The following ADAMTS3 variants were observed in gnomAD, a reference collection of about 807,000 sequenced individuals.
The protein encoded by ADAMTS3 is A disintegrin and metalloproteinase with thrombospondin motifs 3.
A neutral mutation model predicts 129.0 loss-of-function variants in ADAMTS3; 73 were observed. That is an observed-to-expected ratio of 0.57 (90% CI 0.47 to 0.69). The LOEUF is 0.69. ADAMTS3 is among the 30% of genes least tolerant of loss of function. The pLI, the probability that ADAMTS3 is intolerant of heterozygous loss-of-function variation, is 0.00. For synonymous variants in ADAMTS3, 477 were observed against 510.8 expected (o/e 0.93, Z 0.89); for missense variants, 1,457 against 1,514.5 (o/e 0.96, Z 0.63).
chr4:72,401,495 G>A (rs1439957166), intron 4 of ADAMTS3, among the ~76,000 whole-genome samples: 8 of 149,614 alleles, frequency 5.3e-5, no homozygotes, highest in African/African-American at 1.7e-4. Flanking sequence ...TGAACTGGGG[G>A]GGTGGAGGTT....
intron 3 of ADAMTS3, among the ~76,000 whole-genome samples, chr4:72,528,790 T>C (rs1354077230): frequency 6.6e-6 from 1 of 152,130 alleles, no homozygotes; most frequent in Non-Finnish European, 1.5e-5. Flanking sequence ...GAGTGGTATT[T>C]AATTCTCCAT....
rs538347048 is a variant in ADAMTS3 at position 72,554,731 on chromosome 4, A to G, written c.98-5847T>C. ...TCATCACCTCACACTGAAAAGCTGC[A>G]AGTACCAAGTCCAAATTCCCCACAC... On this transcript the variant is annotated intron_variant, in intron 2 of 21. Transcript: ENST00000286657. Among the ~76,000 whole-genome samples the G allele has an allele frequency of 2.6e-5, 4 of 151,936 alleles. No homozygotes were observed. In the South Asian group the frequency reaches 8.3e-4, roughly 31 times the overall value.
At chr4:72,343,692 G>GA (rs1459020378) in intron 4 of ADAMTS3, among the ~76,000 whole-genome samples, 1 of 151,832 alleles carries the variant, frequency 6.6e-6, no homozygotes, top group Admixed American at 6.6e-5. Context: ...AGAATTAGCA[G>GA]AAAAAAAGGA....
rs1411541512 is a variant in ADAMTS3 at position 72,319,983 on chromosome 4, C to A, written c.1103-20G>T. Reference sequence around the variant, plus strand: ...CATATCCTGTAGAGAATAACAATTACTTTTATTTTCATTTTATGAGAAAAC... The same window carrying A: ...CATATCCTGTAGAGAATAACAATTAATTTTATTTTCATTTTATGAGAAAAC... On this transcript the variant is annotated intron_variant, in intron 7 of 21. Transcript: ENST00000286657. 3 of 1,588,418 alleles carry A rather than the reference C, an allele frequency of 1.9e-6. No individual in the cohort carries two copies. Among genetic ancestry groups the A allele is most frequent in the Non-Finnish European group, 2.6e-6 (3 of 1,157,956 alleles).
chr4:72,402,438 T>C (rs1488044417), intron 4 of ADAMTS3, among the ~76,000 whole-genome samples: 1 of 152,192 alleles, frequency 6.6e-6, no homozygotes, highest in Non-Finnish European at 1.5e-5. Flanking sequence ...CCATAGGTGT[T>C]CATCTAAAAT....
chr4:72,341,815 C>T (rs1720144303), intron 4 of ADAMTS3, among the ~76,000 whole-genome samples: 1 of 152,092 alleles, frequency 6.6e-6, no homozygotes, highest in Non-Finnish European at 1.5e-5. Flanking sequence ...GCATAAGAAA[C>T]CTGGGAAAGA....
intron 3 of ADAMTS3, among the ~76,000 whole-genome samples, chr4:72,465,784 A>G (rs1385384117): frequency 6.6e-6 from 1 of 152,006 alleles, no homozygotes; most frequent in Admixed American, 6.6e-5. Context: ...GGCCATGTGG[A>G]GATAACTGAA....
intron 3 of ADAMTS3, among the ~76,000 whole-genome samples, chr4:72,416,679 A>G (rs931938404): frequency 4.6e-5 from 7 of 152,278 alleles, no homozygotes; most frequent in African/African-American, 1.4e-4. Flanking sequence ...CCCTATTCAG[A>G]GTTGTTCCTA....
chr4:72,533,558 C>A (rs1264070892), intron 3 of ADAMTS3, among the ~76,000 whole-genome samples: 1 of 146,972 alleles, frequency 6.8e-6, no homozygotes, highest in East Asian at 1.9e-4. Context: ...AGGTGCTATA[C>A]TTTTGATGTG....
intron 3 of ADAMTS3, among the ~76,000 whole-genome samples, chr4:72,432,355 T>A (rs1423391770): frequency 1.3e-5 from 2 of 151,924 alleles, no homozygotes; most frequent in African/African-American, 4.8e-5. Context: ...AGTACCGGTA[T>A]CTGCTCCCCT....
chr4:72,331,528 T>C (rs1470213790), intron 5 of ADAMTS3, among the ~76,000 whole-genome samples: 2 of 152,160 alleles, frequency 1.3e-5, no homozygotes, highest in Non-Finnish European at 2.9e-5. Flanking sequence ...ATGACTCTTG[T>C]TTGACAAGAT....
At chr4:72,457,896 G>C (rs945558282) in intron 3 of ADAMTS3, among the ~76,000 whole-genome samples, 2 of 151,500 alleles carry the variant, frequency 1.3e-5, no homozygotes, top group Non-Finnish European at 3.0e-5. Context: ...ATCTCTGTTA[G>C]ACAATTATAA....
At chr4:72,546,513 A>C (rs1319639071) in intron 3 of ADAMTS3, among the ~76,000 whole-genome samples, 2 of 152,162 alleles carry the variant, frequency 1.3e-5, no homozygotes, top group African/African-American at 4.8e-5. Flanking sequence ...ATCAGCCCAC[A>C]GGGAAATCAC....
chr4:72,365,312 T>C (rs997922803), intron 4 of ADAMTS3, among the ~76,000 whole-genome samples: 1 of 152,240 alleles, frequency 6.6e-6, no homozygotes, highest in African/African-American at 2.4e-5. Flanking sequence ...CTTGTGTTTC[T>C]GGTAAATATT....
intron 3 of ADAMTS3, among the ~76,000 whole-genome samples, chr4:72,431,947 G>A (rs1184828338): frequency 6.6e-6 from 1 of 151,918 alleles, no homozygotes; most frequent in Non-Finnish European, 1.5e-5. Context: ...TTAAGAAAAG[G>A]TAGTAATGAG....
chr4:72,420,439 G>A (rs1722413342), intron 3 of ADAMTS3, among the ~76,000 whole-genome samples: 4 of 152,156 alleles, frequency 2.6e-5, no homozygotes, highest in Admixed American at 2.6e-4. Context: ...TTGCTTAGGT[G>A]TTGCTTCTCA....
At chr4:72,337,891 C>T (rs1210121694) in intron 5 of ADAMTS3, among the ~76,000 whole-genome samples, 2 of 151,994 alleles carry the variant, frequency 1.3e-5, no homozygotes, top group Non-Finnish European at 2.9e-5. Context: ...TGCATTACTC[C>T]AAAAGCCTTC....
intron 4 of ADAMTS3, among the ~76,000 whole-genome samples, chr4:72,409,924 A>C (rs2109919862): frequency 6.6e-6 from 1 of 152,312 alleles, no homozygotes; most frequent in Admixed American, 6.5e-5. Context: ...CTGCTAAATA[A>C]GATGATGCAG....
At chr4:72,367,645 T>A (rs1720901368) in intron 4 of ADAMTS3, among the ~76,000 whole-genome samples, 1 of 152,012 alleles carries the variant, frequency 6.6e-6, no homozygotes, top group Admixed American at 6.6e-5. Context: ...GGTCAGGAGA[T>A]CAAGACCATC....
Sources: gnomAD v4.1 joint callset for allele counts (sites outside exome capture counted in the v4.1 genomes callset) on GRCh38, gnomAD v4.1.1 for gene constraint, MANE v1.5 for transcripts, NCBI Gene and HGNC (gene_info 2026-07-23, HGNC 2026-07-21) for gene names.